NPC1: variants seen among roughly 807,000 people sequenced by gnomAD.
NPC1 encodes the protein NPC intracellular cholesterol transporter 1.
Under a neutral mutation model 140.4 loss-of-function variants are expected in NPC1, and 85 were observed. That is an observed-to-expected ratio of 0.61 (90% confidence interval 0.51 to 0.72). The LOEUF (loss-of-function observed/expected upper bound fraction) is 0.72. NPC1 is among the 30% of genes least tolerant of loss of function. The pLI, the probability that NPC1 is intolerant of heterozygous loss-of-function variation, is 0.00. For missense variants in NPC1, 1,504 were observed against 1,623.8 expected (o/e 0.93, Z 1.27); for synonymous variants, 656 against 624.8 (o/e 1.05, Z -0.74).
rs2059163907 is a variant in NPC1 at position 23,568,903 on chromosome 18, T to C, written c.383A>G (p.Asp128Gly). The change falls in exon 4 of 25, where the codon GAT (aspartate) becomes GGT (glycine). Residue 128 changes from aspartate (D) to glycine (G), a missense_variant. Transcript: ENST00000269228. ...CTGGTTTGTAACAGGATCAACATAA[T>C]CTTCAGTAGCTGTAACATTCAAAAA... ...SQFLNVTATE[D>G]YVDPVTNQTK... 1.9e-6 allele frequency: 3 copies of C among 1,613,782 alleles called. No individual in the cohort carries two copies. The African/African-American group carries it at 4.0e-5, about 22-fold the overall frequency.
chr18:23,560,308 C>T lies in NPC1; in HGVS notation c.804G>A (p.Met268Ile). The T allele has an allele frequency of 6.2e-7, 1 of 1,614,230 alleles. No homozygotes were observed. The highest frequency in any genetic ancestry group is 8.5e-7 in the Non-Finnish European group (1 of 1,180,042). The change falls in exon 6 of 25, where the codon ATG (methionine) becomes ATA (isoleucine). Residue 268 changes from methionine to isoleucine, a missense_variant. By Grantham distance (10) the Met-to-Ile change is conservative. Coordinates refer to ENST00000269228, the MANE Select transcript of NPC1 (RefSeq NM_000271.5). ...TGTAGGTGATCCACATGATGACATA[C>T]ATGGCGTCCAAGCCAAGGATCGTCC... Reference protein sequence around the residue: ...APWTILGLDAMYVIMWITYMA... With the variant: ...APWTILGLDAIYVIMWITYMA...
chr18:23,529,070 G>A (rs993074739), downstream of NPC1: 49 of 1,487,456 alleles, frequency 3.3e-5, no homozygotes, highest in Middle Eastern at 1.8e-4. Context: ...AGTGTTTTCC[G>A]CTCATATCCT....
rs754722071 is a variant in NPC1, at chr18:23,516,279, G to T, written c.432-9637C>A. 6 of 1,587,828 alleles carry T rather than the reference G, an allele frequency of 3.8e-6. No individual in the cohort carries two copies. In the Admixed American group the frequency reaches 5.0e-5, roughly 13 times the overall value. On this transcript the variant is annotated intron_variant, in intron 3 of 3. Coordinates refer to the NPC1 transcript ENST00000591107. Reference sequence around the variant, plus strand: ...ACAGGGAATGATGAAACATTGAAGGGGTTTAATAAGCTTTTCCTAAAACAT... The same window carrying T: ...ACAGGGAATGATGAAACATTGAAGGTGTTTAATAAGCTTTTCCTAAAACAT...
chr18:23,539,217 G>A, intron 19 of NPC1, 138 bp downstream of exon 19: 2 of 714,934 alleles, frequency 2.8e-6, no homozygotes, highest in East Asian at 2.7e-5. Flanking sequence ...GAATGACTGA[G>A]GAAAGGAATG....
intron 3 of NPC1, 74 bp downstream of exon 3, chr18:23,572,000 T>C: frequency 1.2e-6 from 1 of 819,628 alleles, no homozygotes. Flanking sequence ...AAACAAAGAA[T>C]AAATGGAAAG....
At chr18:23,551,498 T>C in intron 10 of NPC1, 129 bp downstream of exon 10, 1 of 797,488 alleles carries the variant, frequency 1.3e-6, no homozygotes, top group Non-Finnish European at 2.2e-6. Flanking sequence ...GATACTATTC[T>C]GGGATTCAAG....
At chr18:23,514,931 T>C in intron 3 of NPC1, among the ~76,000 whole-genome samples, 1 of 152,146 alleles carries the variant, frequency 6.6e-6, no homozygotes, top group East Asian at 1.9e-4. Flanking sequence ...TGTTCTGTAA[T>C]ATCGGAATAT....
chr18:23,529,981 G>C (rs745991444), downstream of NPC1: 10 of 1,517,150 alleles, frequency 6.6e-6, no homozygotes, highest in Non-Finnish European at 9.1e-6. Flanking sequence ...GTCTGTTGTA[G>C]CTGAATGATT....
At chr18:23,582,696 C>A (rs570220611) in intron 1 of NPC1, among the ~76,000 whole-genome samples, 2 of 151,522 alleles carry the variant, frequency 1.3e-5, no homozygotes, top group African/African-American at 2.4e-5. Flanking sequence ...CCCAGCTACT[C>A]GGGAGGCTTG....
In NPC1 at chr18:23,544,943, A is replaced by ACC. The variant is rs3837910; in HGVS notation, c.1947+15_1947+16dup. 0.044 allele frequency: 44,032 copies of ACC among 1,000,806 alleles called. 1,979 individuals carry two copies. The highest frequency in any genetic ancestry group is 0.11 in the Admixed American group (4,847 of 42,916). 62.0% of individuals were successfully genotyped at this position (1,000,806 alleles called of 1,614,324 possible). On this transcript the variant is annotated intron_variant, in intron 12 of 24. Transcript: ENST00000269228. The stretch of plus-strand genomic sequence containing the variant: ...GCTGTTAACCTCTAGAACATACACC[A>ACC]CCCCCCCCCGGCTTACCAGAAGCCT...
At chr18:23,518,067 T>A (rs1280011140), downstream of NPC1, among the ~76,000 whole-genome samples, 1 of 152,234 alleles carries the variant, frequency 6.6e-6, no homozygotes, top group Non-Finnish European at 1.5e-5. Flanking sequence ...CTGGCTGAAG[T>A]GGAGGTGGGG....
intron 6 of NPC1, among the ~76,000 whole-genome samples, chr18:23,557,494 G>A (rs185154364): frequency 9.9e-5 from 15 of 152,184 alleles, no homozygotes; most frequent in African/African-American, 3.6e-4. Flanking sequence ...GGTGGCTCAC[G>A]CCTGTAAACC....
intron 22 of NPC1, 78 bp downstream of exon 22, chr18:23,535,391 T>G: frequency 9.7e-7 from 1 of 1,034,234 alleles, no homozygotes; most frequent in Admixed American, 2.0e-5. Flanking sequence ...TCTTTAGGGT[T>G]TACATGGAAT....
chr18:23,532,431 ATC>A (rs2058543323), intron 24 of NPC1, 147 bp from the exon 25 acceptor site: 4 of 856,320 alleles, frequency 4.7e-6, no homozygotes, highest in Non-Finnish European at 7.8e-6. Context: ...GTGAGACCAC[ATC>A]TCTCTCCCTC....
downstream of NPC1, among the ~76,000 whole-genome samples, chr18:23,520,540 G>A (rs1788819): frequency 0.75 from 113,928 of 152,126 alleles, 43,792 homozygotes; most frequent in East Asian, 0.92. Flanking sequence ...GCTCACTACA[G>A]TCTCCACCTC....
At chr18:23,558,944 T>C (rs1372547451) in intron 6 of NPC1, among the ~76,000 whole-genome samples, 5 of 151,670 alleles carry the variant, frequency 3.3e-5, no homozygotes, top group African/African-American at 7.3e-5. Flanking sequence ...CATTGTTCAA[T>C]TCCCACCTAT....
chr18:23,530,883 G>A (rs1418063060), downstream of NPC1, among the ~76,000 whole-genome samples: 1 of 152,110 alleles, frequency 6.6e-6, no homozygotes, highest in African/African-American at 2.4e-5. Flanking sequence ...TCTTATAGCA[G>A]ATCTTGGAAT....
At position 23,560,435 on chromosome 18, in the gene NPC1, C is replaced by T; in HGVS notation, c.677G>A (p.Gly226Asp). The T allele has an allele frequency of 6.2e-7, 1 of 1,614,110 alleles. No homozygotes were observed. The highest frequency in any genetic ancestry group is 8.5e-7 in the Non-Finnish European group (1 of 1,180,012). The change falls in exon 6 of 25, where the codon GGC becomes GAC. Residue 226 changes from glycine to aspartate, a missense_variant. Physicochemically the swap from Gly to Asp is moderately conservative, Grantham distance 94. Transcript: ENST00000269228. ...GMEPMNNATKGCDESVDEVTA... is the reference protein window; with the variant it reads ...GMEPMNNATKDCDESVDEVTA... ...GACCTCATCCACAGACTCGTCACAG[C>T]CTTTGGTGGCATTGTTCATGGGCTC...
intron 19 of NPC1, chr18:23,538,908 G>C (rs1268361353): frequency 1.9e-6 from 1 of 538,690 alleles, no homozygotes; most frequent in East Asian, 3.4e-5. Flanking sequence ...TTTCTGCCCT[G>C]AAGTAGATCT....
Sources: allele counts gnomAD v4.1 joint callset (sites outside exome capture counted in the v4.1 genomes callset), GRCh38; gene constraint gnomAD v4.1.1; transcripts MANE v1.5; gene names NCBI Gene and HGNC (gene_info 2026-07-23, HGNC 2026-07-21).